PIBF1: variants seen among roughly 807,000 people sequenced by gnomAD.
PIBF1 encodes the protein progesterone immunomodulatory binding factor 1, also known as progesterone-induced-blocking factor 1.
PIBF1 carries 90 observed loss-of-function variants against 112.5 expected under a neutral mutation model. The ratio of observed to expected loss-of-function variants is 0.80; its 90% confidence interval spans 0.67 to 0.95. The LOEUF (loss-of-function observed/expected upper bound fraction) is 0.95. PIBF1 is among the 40% of genes least tolerant of loss of function. The pLI is 0.00. For missense variants in PIBF1, 915 were observed against 852.3 expected (o/e 1.07, Z -0.92); for synonymous variants, 301 against 288.6 (o/e 1.04, Z -0.44).
At chr13:72,883,455 AT>A (rs1170589442) in intron 10 of PIBF1, among the ~76,000 whole-genome samples, 1 of 151,976 alleles carries the variant, frequency 6.6e-6, no homozygotes, top group East Asian at 1.9e-4. Context: ...TTAATTGTAC[AT>A]TTTTTTTAGA....
intron 15 of PIBF1, among the ~76,000 whole-genome samples, chr13:72,972,048 ATTT>A (rs1555327021): frequency 8.6e-6 from 1 of 116,942 alleles, no homozygotes; most frequent in Non-Finnish European, 2.0e-5. Context: ...TTATTTATTT[ATTT>A]TTTGAGAGAG....
At chr13:72,848,748 C>T (rs982439054) in intron 9 of PIBF1, among the ~76,000 whole-genome samples, 3 of 151,502 alleles carry the variant, frequency 2.0e-5, no homozygotes, top group Non-Finnish European at 4.4e-5. Flanking sequence ...AGGAGAATGG[C>T]ATGAACCCGG....
intron 11 of PIBF1, among the ~76,000 whole-genome samples, chr13:72,896,197 C>T (rs1333253704): frequency 2.0e-5 from 3 of 152,084 alleles, no homozygotes; most frequent in African/African-American, 7.2e-5. Context: ...CCCAGAAGAG[C>T]GACAACAATC....
At chr13:72,894,770 ATAGTGTGT>A (rs1433213241) in intron 11 of PIBF1, among the ~76,000 whole-genome samples, 61 of 108,484 alleles carry the variant, frequency 5.6e-4, no homozygotes, top group Middle Eastern at 4.5e-3. Context: ...ATATATATAT[ATAGTGTGT>A]GTGTGTGTGT....
At chr13:72,815,353 C>A (rs1687043291) in intron 5 of PIBF1, among the ~76,000 whole-genome samples, 1 of 152,136 alleles carries the variant, frequency 6.6e-6, no homozygotes, top group African/African-American at 2.4e-5. Context: ...TAGTGTTGAA[C>A]ACTTAAGATT....
chr13:72,808,984 C>T (rs957266407), intron 5 of PIBF1, among the ~76,000 whole-genome samples: 3 of 152,096 alleles, frequency 2.0e-5, no homozygotes, highest in Admixed American at 6.5e-5. Flanking sequence ...AACAAATTTT[C>T]CATTTTACTT....
intron 14 of PIBF1, among the ~76,000 whole-genome samples, chr13:72,931,959 TGAGACAG>T (rs2041721372): frequency 1.2e-5 from 1 of 81,720 alleles, no homozygotes. Context: ...TTTTTTTTTC[TGAGACAG>T]GGTCTGGCTT....
intron 11 of PIBF1, among the ~76,000 whole-genome samples, chr13:72,908,291 A>C (rs1178402194): frequency 6.6e-6 from 1 of 152,114 alleles, no homozygotes; most frequent in Admixed American, 6.6e-5. Flanking sequence ...TTTTAAATTC[A>C]TTTTTTATTC....
intron 12 of PIBF1, among the ~76,000 whole-genome samples, chr13:72,912,581 C>CAAT (rs1311833206): frequency 2.3e-4 from 35 of 152,122 alleles, no homozygotes; most frequent in Admixed American, 2.3e-3. Flanking sequence ...ATTAAACAAC[C>CAAT]TAATCAGTGA....
chr13:72,912,051 GAGAAA>G (rs1389474875), intron 12 of PIBF1, among the ~76,000 whole-genome samples: 2 of 151,646 alleles, frequency 1.3e-5, no homozygotes, highest in Non-Finnish European at 2.9e-5. Context: ...GGAAAGAAAA[GAGAAA>G]AGAAAAGAAA....
chr13:72,933,594 G>A (rs566870842), intron 14 of PIBF1, among the ~76,000 whole-genome samples: 11 of 152,336 alleles, frequency 7.2e-5, no homozygotes, highest in Non-Finnish European at 1.5e-4. Flanking sequence ...CCTGGGAGGC[G>A]GAGGTTGCAG....
intron 3 of PIBF1, 52 bp downstream of exon 3, chr13:72,792,599 G>A (rs750245087): frequency 4.0e-5 from 37 of 913,760 alleles, no homozygotes; most frequent in Non-Finnish European, 5.5e-5. Flanking sequence ...GCAATTAAAA[G>A]TAATTTTATT....
intron 17 of PIBF1, among the ~76,000 whole-genome samples, chr13:73,000,145 T>G (rs2043809307): frequency 6.6e-6 from 1 of 152,244 alleles, no homozygotes; most frequent in Non-Finnish European, 1.5e-5. Context: ...CTCAGTTGAC[T>G]AGCCTGGACA....
At chr13:72,939,054 T>G (rs1220158846) in intron 14 of PIBF1, among the ~76,000 whole-genome samples, 1 of 152,202 alleles carries the variant, frequency 6.6e-6, no homozygotes, top group Non-Finnish European at 1.5e-5. Flanking sequence ...CTTTATATAT[T>G]CTGGACACTA....
intron 2 of PIBF1, among the ~76,000 whole-genome samples, chr13:72,786,041 G>A (rs754041782): frequency 1.1e-4 from 17 of 152,038 alleles, no homozygotes; most frequent in South Asian, 2.1e-4. Context: ...TTTTTATTCC[G>A]TGATTTCCTA....
intron 13 of PIBF1, among the ~76,000 whole-genome samples, chr13:72,928,028 T>TATACATATATATATATAC (rs1566458687): frequency 1.7e-5 from 1 of 58,870 alleles, no homozygotes; most frequent in African/African-American, 5.1e-5. Context: ...TATATATACA[T>TATACATATATATATATAC]ATATATATAT....
At chr13:72,915,871 G>C (rs140877507) in intron 12 of PIBF1, among the ~76,000 whole-genome samples, 2 of 152,174 alleles carry the variant, frequency 1.3e-5, no homozygotes, top group African/African-American at 4.8e-5. Flanking sequence ...ACATTGATAG[G>C]CATGCAGAAG....
At chr13:72,814,639 TAAAA>T (rs754779913) in intron 5 of PIBF1, among the ~76,000 whole-genome samples, 1 of 151,472 alleles carries the variant, frequency 6.6e-6, no homozygotes, top group Admixed American at 6.6e-5. Context: ...AAAACTGAAA[TAAAA>T]CAATGAAAAT....
At chr13:72,857,788 C>T (rs1030534832) in intron 10 of PIBF1, among the ~76,000 whole-genome samples, 53 of 152,132 alleles carry the variant, frequency 3.5e-4, no homozygotes, top group African/African-American at 1.3e-3. Flanking sequence ...TGCAGTGAGC[C>T]GAGATTGCAC....
Sources: gnomAD v4.1 joint callset for allele counts (sites outside exome capture counted in the v4.1 genomes callset) on GRCh38, gnomAD v4.1.1 for gene constraint, MANE v1.5 for transcripts, NCBI Gene and HGNC (gene_info 2026-07-23, HGNC 2026-07-21) for gene names.